The following CCND3 variants were observed in gnomAD, a reference collection of about 807,000 sequenced individuals.
CCND3 encodes cyclin D3, also known as G1/S-specific cyclin-D3.
Under a neutral mutation model 28.7 loss-of-function variants are expected in CCND3, and 9 were observed. The observed-to-expected ratio is 0.31, with a 90% CI of 0.19 to 0.55. CCND3 has a LOEUF of 0.55. Among genes scored for constraint, CCND3 ranks in the 20% least tolerant of loss-of-function variants. The pLI is 0.93. For synonymous variants in CCND3, 164 were observed against 163.9 expected (o/e 1.00, Z 0.00); for missense variants, 315 against 385.8 (o/e 0.82, Z 1.54).
At chr6:41,956,311 A>AAAAT (rs1199750092) in intron 1 of CCND3, among the ~76,000 whole-genome samples, 2 of 152,168 alleles carry the variant, frequency 1.3e-5, no homozygotes, top group East Asian at 3.8e-4. Flanking sequence ...AAAATAAAAT[A>AAAAT]AAATAAATAA....
chr6:41,984,322 G>A (rs771029747), intron 1 of CCND3, among the ~76,000 whole-genome samples: 8 of 152,034 alleles, frequency 5.3e-5, no homozygotes, highest in Non-Finnish European at 1.0e-4. Context: ...TTGGAGTGCT[G>A]GATCATATGG....
At chr6:42,016,097 A>G (rs10807272) in intron 1 of CCND3, among the ~76,000 whole-genome samples, 31,456 of 151,586 alleles carry the variant, frequency 0.21, 3,431 homozygotes, top group Non-Finnish European at 0.23. Flanking sequence ...CACCACCCCC[A>G]GCCAATTTTT....
At chr6:42,023,842 G>C (rs980250538) in intron 1 of CCND3, among the ~76,000 whole-genome samples, 11 of 152,040 alleles carry the variant, frequency 7.2e-5, no homozygotes, top group African/African-American at 2.7e-4. Context: ...GACTCTGAAG[G>C]TTTTATTATT....
chr6:42,018,776 A>G (rs537115615), intron 1 of CCND3, among the ~76,000 whole-genome samples: 160 of 151,888 alleles, frequency 1.1e-3, no homozygotes, highest in African/African-American at 3.5e-3. Flanking sequence ...CTGTAATCCC[A>G]GCTACTCAGG....
intron 1 of CCND3, among the ~76,000 whole-genome samples, chr6:42,045,886 G>A (rs978665065): frequency 3.3e-5 from 5 of 152,120 alleles, no homozygotes; most frequent in African/African-American, 1.2e-4. Context: ...AGCCAAGCCA[G>A]TGCCTGGGGC....
intron 1 of CCND3, among the ~76,000 whole-genome samples, chr6:42,019,901 G>T (rs1763648324): frequency 6.6e-6 from 1 of 152,138 alleles, no homozygotes; most frequent in African/African-American, 2.4e-5. Context: ...CTGTCTTTGG[G>T]TGATAAGAAC....
At chr6:41,979,649 A>ATG in intron 1 of CCND3, among the ~76,000 whole-genome samples, 1 of 27,598 alleles carries the variant, frequency 3.6e-5, no homozygotes, top group Non-Finnish European at 8.8e-5. Context: ...CTCTCTATAT[A>ATG]TATATATGTA....
rs1775809220 is a variant in CCND3 at position 41,936,673 on chromosome 6, C to T, written c.597G>A (p.Pro199=). 3 of 1,613,824 alleles carry T rather than the reference C, an allele frequency of 1.9e-6. No individual in the cohort carries two copies. The highest frequency in any genetic ancestry group is 1.7e-5 in the Admixed American group (1 of 59,976). ...TGCTGCCCGTGGCGATCATGGATGG[C>T]GGGTACATGGCAAAGGTATAATCTT... ...CATDYTFAMY[P]PSMIATGSIG... Residue 199 remains proline (P), a synonymous_variant, in exon 4 of 5, where the codon CCG becomes CCA. Transcript: ENST00000372991. The surrounding 1 kb of genome is among the most constrained non-coding windows in gnomAD (Gnocchi z 4.4).
intron 1 of CCND3, among the ~76,000 whole-genome samples, chr6:41,999,038 C>A (rs1356916746): frequency 6.6e-6 from 1 of 151,960 alleles, no homozygotes; most frequent in Non-Finnish European, 1.5e-5. Context: ...GTATTACTAT[C>A]CTTATATTAC....
chr6:41,956,914 C>T (rs1776452937), intron 1 of CCND3, among the ~76,000 whole-genome samples: 1 of 152,094 alleles, frequency 6.6e-6, no homozygotes, highest in Admixed American at 6.6e-5. Flanking sequence ...GCCTGTATTC[C>T]CAGCTGCTGG....
chr6:42,032,829 C>T (rs1764082674), intron 1 of CCND3, among the ~76,000 whole-genome samples: 2 of 152,218 alleles, frequency 1.3e-5, no homozygotes, highest in Admixed American at 1.3e-4. Flanking sequence ...CCTCATCTTC[C>T]TGTAGTTCTC....
At chr6:41,962,951 C>CAAA (rs1261272960) in intron 1 of CCND3, among the ~76,000 whole-genome samples, 2 of 152,166 alleles carry the variant, frequency 1.3e-5, no homozygotes, top group East Asian at 3.8e-4. Context: ...CGGGGTTTCA[C>CAAA]CATGTTGGCC....
At chr6:41,979,831 T>A (rs1238527357) in intron 1 of CCND3, among the ~76,000 whole-genome samples, 1 of 152,014 alleles carries the variant, frequency 6.6e-6, no homozygotes, top group Non-Finnish European at 1.5e-5. Context: ...AGACTGGGTC[T>A]TGCCATGTTA....
In CCND3 at chr6:41,938,510, C is replaced by T. The variant is rs941171513; in HGVS notation, c.415-1116G>A. Among the ~76,000 whole-genome samples, 1 of 152,146 alleles carries T rather than the reference C, an allele frequency of 6.6e-6. No individual in the cohort carries two copies. Among genetic ancestry groups the T allele is most frequent in the African/African-American group, 2.4e-5 (1 of 41,422 alleles). On this transcript the variant is annotated intron_variant, in intron 2 of 4. Transcript: ENST00000372991. The surrounding 1 kb of genome is among the most constrained non-coding windows in gnomAD (Gnocchi z 4.6). Reference sequence around the variant, plus strand: ...CTACCCCTAGTGCATGTCCCAGGAGCCAACTCCTAACTCAGCAGTAAACAG... The same window carrying T: ...CTACCCCTAGTGCATGTCCCAGGAGTCAACTCCTAACTCAGCAGTAAACAG...
At chr6:42,021,498 A>G (rs1310595986) in intron 1 of CCND3, among the ~76,000 whole-genome samples, 1 of 152,226 alleles carries the variant, frequency 6.6e-6, no homozygotes, top group Non-Finnish European at 1.5e-5. Context: ...GGTGGAAACC[A>G]ATGAGACACA....
chr6:42,024,949 G>A (rs530556323), intron 1 of CCND3, among the ~76,000 whole-genome samples: 5 of 151,916 alleles, frequency 3.3e-5, no homozygotes, highest in South Asian at 2.1e-4. Flanking sequence ...TCCTAGCTAC[G>A]TGGGAGGCTG....
chr6:41,989,169 A>T (rs1309742023), intron 1 of CCND3, among the ~76,000 whole-genome samples: 1 of 152,128 alleles, frequency 6.6e-6, no homozygotes, highest in South Asian at 2.1e-4. Flanking sequence ...ACAATAAGAA[A>T]ACAAACAACC....
chr6:41,941,826 C>T (rs1776042669), upstream of CCND3: 1 of 293,346 alleles, frequency 3.4e-6, no homozygotes, highest in Admixed American at 5.2e-5. This position sits in a 1 kb window ranked among gnomAD's most constrained non-coding sequence, Gnocchi z 6.1. Flanking sequence ...CCGCCCCTCG[C>T]GACGATGTAG....
In CCND3 at chr6:41,980,324, C is replaced by T. The variant is rs146419166; in HGVS notation, c.-45-39739G>A. ...CTAATTTTTGTATTTTTAGTTGAGA[C>T]GGGGTTTTACCATGTTGGCCAGGCT... On this transcript the variant is annotated intron_variant, in intron 1 of 4. Transcript: ENST00000372988. Among the ~76,000 whole-genome samples the T allele has an allele frequency of 4.7e-4, 71 of 152,090 alleles. 1 individual carries two copies. The highest frequency in any genetic ancestry group is 4.1e-3 in the Admixed American group (62 of 15,246).
Sources: allele counts gnomAD v4.1 joint callset (sites outside exome capture counted in the v4.1 genomes callset), GRCh38; gene constraint gnomAD v4.1.1; non-coding constraint Gnocchi (gnomAD v3.1); transcripts MANE v1.5; gene names NCBI Gene and HGNC (gene_info 2026-07-23, HGNC 2026-07-21).